APP: variants seen among roughly 807,000 people sequenced by gnomAD.
The protein encoded by APP is amyloid beta precursor protein, also known as amyloid-beta precursor protein.
A neutral mutation model predicts 101.4 loss-of-function variants in APP; 31 were observed. The ratio of observed to expected loss-of-function variants is 0.31; its 90% CI spans 0.23 to 0.41. The LOEUF (loss-of-function observed/expected upper bound fraction) is 0.41. APP is among the 10% of genes least tolerant of loss of function. The pLI is 1.00. For missense variants in APP, 839 were observed against 1,003.7 expected (o/e 0.84, Z 2.22); for synonymous variants, 366 against 364.4 (o/e 1.00, Z -0.05).
rs1307925400 is a variant in APP at position 26,112,001 on chromosome 21, C to T, written c.203G>A (p.Gly68Asp). Residue 68 changes from glycine to aspartate, a missense_variant, in exon 2 of 18, where the codon GGC becomes GAC. Physicochemically the swap from Gly to Asp is moderately conservative, Grantham distance 94. Coordinates refer to ENST00000346798, the MANE Select transcript of APP (RefSeq NM_000484.4). ...TACTTCTTGGCAATACTGCAGGATGCCTTCCTTGGTATCAATGCAGGTTTT... is the reference window on the plus strand; with the variant it reads ...TACTTCTTGGCAATACTGCAGGATGTCTTCCTTGGTATCAATGCAGGTTTT... ...GTKTCIDTKE[G>D]ILQYCQEVYP... The T allele has an allele frequency of 6.2e-7, 1 of 1,614,086 alleles. No individual in the cohort carries two copies. The highest frequency in any genetic ancestry group is 8.5e-7 in the Non-Finnish European group (1 of 1,179,986).
At chr21:26,164,818 T>C (rs1461284368) in intron 1 of APP, among the ~76,000 whole-genome samples, 5 of 144,600 alleles carry the variant, frequency 3.5e-5, no homozygotes, top group Non-Finnish European at 7.4e-5. Flanking sequence ...ATCGCGCCAC[T>C]GCACTCCAGC....
intron 1 of APP, among the ~76,000 whole-genome samples, chr21:26,118,324 G>C (rs2062482221): frequency 6.6e-6 from 1 of 152,158 alleles, no homozygotes; most frequent in Admixed American, 6.5e-5. Context: ...ACAAAAAATA[G>C]AGCCTTATGC....
chr21:25,905,007 T>A lies in APP; in HGVS notation c.1963+17A>T, dbSNP rs1236508947. The A allele has an allele frequency of 6.2e-7, 1 of 1,612,926 alleles. No homozygotes were observed. Among genetic ancestry groups the A allele is most frequent in the East Asian group, 2.2e-5 (1 of 44,856 alleles). ...GGCCCAAGATGCGGAGAGGCACAAG[T>A]CAAGCGGTTCTGATACCTGGTCGAG... On this transcript the variant is annotated intron_variant, in intron 15 of 17. Transcript: ENST00000346798.
At chr21:25,958,558 T>A (rs942728459) in intron 11 of APP, among the ~76,000 whole-genome samples, 36 of 152,298 alleles carry the variant, frequency 2.4e-4, no homozygotes, top group South Asian at 1.0e-3. Flanking sequence ...ATTACAGGCG[T>A]GCGACCAGTG....
chr21:26,014,309 G>A (rs1053106572), intron 6 of APP, among the ~76,000 whole-genome samples: 1 of 152,176 alleles, frequency 6.6e-6, no homozygotes, highest in Non-Finnish European at 1.5e-5. Context: ...TACCTTGTAA[G>A]TGTCATGTCC....
chr21:26,056,477 A>T (rs1306421545), intron 3 of APP, among the ~76,000 whole-genome samples: 3 of 152,230 alleles, frequency 2.0e-5, no homozygotes, highest in Non-Finnish European at 1.5e-5. Context: ...TCTATCCAAG[A>T]GAACCATATT....
intron 1 of APP, among the ~76,000 whole-genome samples, chr21:26,121,219 T>C (rs539297316): frequency 1.7e-3 from 255 of 152,358 alleles, no homozygotes; most frequent in South Asian, 3.5e-3. Context: ...GTAAGAGTTA[T>C]GAGCTCTAGA....
chr21:26,088,016 T>A (rs1029074285), intron 3 of APP, among the ~76,000 whole-genome samples: 1 of 152,186 alleles, frequency 6.6e-6, no homozygotes, highest in African/African-American at 2.4e-5. Context: ...TTTTTGTTTT[T>A]TTAAGAGACG....
rs9984633 is a variant in APP, at chr21:26,125,303, A to C, written c.58-13157T>G. ...GTGGGCCTCTTTCTCTCTTAAAAAAACATTAAAAGCTATATTTTAGGGCTC... is the reference window on the plus strand; with the variant it reads ...GTGGGCCTCTTTCTCTCTTAAAAAACCATTAAAAGCTATATTTTAGGGCTC... On this transcript the variant is annotated intron_variant, in intron 1 of 17. Transcript: ENST00000346798. Among the ~76,000 whole-genome samples, 423 of 152,338 alleles carry C rather than the reference A, an allele frequency of 2.8e-3. 1 individual carries two copies. The highest frequency in any genetic ancestry group is 9.2e-3 in the African/African-American group (381 of 41,574).
intron 3 of APP, among the ~76,000 whole-genome samples, chr21:26,088,118 TGA>T (rs1414153424): frequency 6.6e-6 from 1 of 152,154 alleles, no homozygotes; most frequent in Non-Finnish European, 1.5e-5. Context: ...ATTATAGGCT[TGA>T]GCCACCACAC....
At chr21:26,027,646 C>G (rs553854726) in intron 5 of APP, among the ~76,000 whole-genome samples, 1 of 152,186 alleles carries the variant, frequency 6.6e-6, no homozygotes, top group Admixed American at 6.5e-5. Flanking sequence ...CAGTAACTGG[C>G]AGGGGCCAGG....
chr21:25,892,691 AAAG>A (rs1426351567), intron 16 of APP, among the ~76,000 whole-genome samples: 2 of 152,198 alleles, frequency 1.3e-5, no homozygotes, highest in Non-Finnish European at 2.9e-5. Context: ...AGAACATTGT[AAAG>A]AAGGAATAAA....
intron 17 of APP, among the ~76,000 whole-genome samples, chr21:25,884,920 C>T (rs892790447): frequency 3.9e-5 from 6 of 152,236 alleles, no homozygotes; most frequent in South Asian, 2.1e-4. Flanking sequence ...CAAAGCCTAA[C>T]GCTTAAGAGT....
chr21:25,897,548 G>GA (rs2038153665), intron 16 of APP, 25 bp downstream of exon 16: 2 of 1,549,578 alleles, frequency 1.3e-6, no homozygotes, highest in East Asian at 2.2e-5. Flanking sequence ...AACAGTAGTG[G>GA]AAAGAGGTAA....
chr21:25,887,953 A>AT (rs2037445336), intron 17 of APP, among the ~76,000 whole-genome samples: 1 of 151,484 alleles, frequency 6.6e-6, no homozygotes, highest in Admixed American at 6.6e-5. Flanking sequence ...TCATTTATAC[A>AT]TTTGTTCTCA....
At chr21:25,913,126 AATC>A (rs1466964789) in intron 13 of APP, among the ~76,000 whole-genome samples, 3 of 152,256 alleles carry the variant, frequency 2.0e-5, no homozygotes, top group African/African-American at 4.8e-5. Flanking sequence ...AACATTTTAC[AATC>A]ATCTTTCAAA....
chr21:25,949,190 C>T (rs986639338), intron 13 of APP, among the ~76,000 whole-genome samples: 25 of 152,042 alleles, frequency 1.6e-4, no homozygotes, highest in African/African-American at 5.1e-4. Context: ...AAATAAAACA[C>T]GGGCCTTTTA....
intron 1 of APP, among the ~76,000 whole-genome samples, chr21:26,162,346 T>C (rs1277111054): frequency 2.0e-5 from 3 of 152,186 alleles, no homozygotes; most frequent in Non-Finnish European, 4.4e-5. Flanking sequence ...AAACACAGTA[T>C]CAATATGCTT....
intron 2 of APP, among the ~76,000 whole-genome samples, chr21:26,096,200 C>T (rs866577105): frequency 6.6e-6 from 1 of 152,230 alleles, no homozygotes; most frequent in Non-Finnish European, 1.5e-5. Context: ...ATGCTAACCC[C>T]TCTTACAGAA....
Sources: gnomAD v4.1 joint callset for allele counts (sites outside exome capture counted in the v4.1 genomes callset) on GRCh38, gnomAD v4.1.1 for gene constraint, MANE v1.5 for transcripts, NCBI Gene and HGNC (gene_info 2026-07-23, HGNC 2026-07-21) for gene names.